The following FAM227B variants were observed in gnomAD, a reference collection of about 807,000 sequenced individuals.
FAM227B encodes family with sequence similarity 227 member B, also known as protein FAM227B.
Under a neutral mutation model 73.8 loss-of-function variants are expected in FAM227B, and 88 were observed. The ratio of observed to expected loss-of-function variants is 1.19; its 90% CI spans 1.00 to 1.42. FAM227B has a LOEUF of 1.42. Ranked by LOEUF, FAM227B falls within the 40% of genes most tolerant of loss-of-function variation. FAM227B has a pLI of 0.00. For synonymous variants in FAM227B, 210 were observed against 190.5 expected, an observed-to-expected ratio of 1.10 and a Z score of -0.84; for missense variants, 632 against 590.9, an observed-to-expected ratio of 1.07 and a Z score of -0.72.
chr15:49,333,669 T>C (rs994999358), intron 14 of FAM227B, among the ~76,000 whole-genome samples: 7 of 152,320 alleles, frequency 4.6e-5, no homozygotes, highest in African/African-American at 1.7e-4. Flanking sequence ...AAATAGTATT[T>C]AGAAGTGTGA....
intron 11 of FAM227B, among the ~76,000 whole-genome samples, chr15:49,436,073 C>A (rs1331924434): frequency 6.6e-6 from 1 of 151,354 alleles, no homozygotes; most frequent in East Asian, 1.9e-4. Context: ...AAAAAAAAGA[C>A]CCTCAGGAAA....
intron 11 of FAM227B, among the ~76,000 whole-genome samples, chr15:49,464,734 A>T (rs1284053819): frequency 6.6e-6 from 1 of 152,214 alleles, no homozygotes; most frequent in Non-Finnish European, 1.5e-5. Context: ...CACTATCAGG[A>T]AGAATGTAAG....
At position 49,373,141 on chromosome 15, in the gene FAM227B, AT is replaced by A. The variant is rs528709696; in HGVS notation, c.1013-1743del. ...TCTATGAACCAGTATCATTAAAAAA[AT>A]AAAAGAACCTCTCCATGTTCACTGT... On this transcript the variant is annotated intron_variant, in intron 11 of 15. Coordinates refer to ENST00000299338, the MANE Select transcript of FAM227B (RefSeq NM_152647.3). Among the ~76,000 whole-genome samples the A allele has an allele frequency of 2.5e-3, 374 of 152,206 alleles. 4 individuals carry two copies. The highest frequency in any genetic ancestry group is 8.4e-3 in the African/African-American group (351 of 41,548).
At chr15:49,429,259 C>T (rs527242511) in intron 11 of FAM227B, among the ~76,000 whole-genome samples, 1 of 152,042 alleles carries the variant, frequency 6.6e-6, no homozygotes, top group East Asian at 1.9e-4. Context: ...ACTGGTGACC[C>T]GCATTCCCTT....
At chr15:49,565,529 TACA>T (rs2074587307) in intron 9 of FAM227B, among the ~76,000 whole-genome samples, 1 of 152,126 alleles carries the variant, frequency 6.6e-6, no homozygotes, top group Admixed American at 6.5e-5. Context: ...GACAAATTGA[TACA>T]ACTATTTGCA....
chr15:49,364,786 T>C (rs1355130805), intron 13 of FAM227B, among the ~76,000 whole-genome samples: 1 of 152,154 alleles, frequency 6.6e-6, no homozygotes, highest in African/African-American at 2.4e-5. Flanking sequence ...TTGATAGTAA[T>C]ACTTTTATCT....
At chr15:49,612,074 G>A (rs1012916842) in intron 2 of FAM227B, among the ~76,000 whole-genome samples, 26 of 149,988 alleles carry the variant, frequency 1.7e-4, no homozygotes, top group African/African-American at 5.4e-4. Context: ...TTTTGTAGCC[G>A]GCCAATTCCT....
intron 5 of FAM227B, among the ~76,000 whole-genome samples, chr15:49,580,118 C>T (rs117270053): frequency 0.017 from 2,529 of 152,208 alleles, 31 homozygotes; most frequent in Middle Eastern, 0.037. Flanking sequence ...ATTGATAAAT[C>T]CAATAAAACT....
chr15:49,571,666 A>G (rs1055002057), intron 8 of FAM227B, among the ~76,000 whole-genome samples: 1 of 151,736 alleles, frequency 6.6e-6, no homozygotes. Flanking sequence ...AAACGCGTAG[A>G]TTCATTTGGG....
chr15:49,491,866 T>C (rs2057139508), intron 11 of FAM227B, among the ~76,000 whole-genome samples: 1 of 151,892 alleles, frequency 6.6e-6, no homozygotes, highest in African/African-American at 2.4e-5. Flanking sequence ...AAAGTAAAAG[T>C]AACTATTGCC....
At chr15:49,413,558 T>G (rs931184173) in intron 11 of FAM227B, among the ~76,000 whole-genome samples, 5 of 152,088 alleles carry the variant, frequency 3.3e-5, no homozygotes, top group African/African-American at 1.2e-4. Flanking sequence ...AGATATAATC[T>G]CTGACCTGTA....
chr15:49,605,679 A>C (rs2077473687), intron 3 of FAM227B, among the ~76,000 whole-genome samples: 1 of 151,646 alleles, frequency 6.6e-6, no homozygotes, highest in South Asian at 2.1e-4. Context: ...TCCTGAGTAC[A>C]CTGGAGTGGA....
At chr15:49,551,140 G>C (rs2072935736) in intron 9 of FAM227B, among the ~76,000 whole-genome samples, 1 of 152,212 alleles carries the variant, frequency 6.6e-6, no homozygotes, top group African/African-American at 2.4e-5. Context: ...AAACCAGTCA[G>C]GCGTGGCGTC....
At chr15:49,339,552 G>T (rs1185791815) in intron 13 of FAM227B, among the ~76,000 whole-genome samples, 1 of 152,190 alleles carries the variant, frequency 6.6e-6, no homozygotes, top group African/African-American at 2.4e-5. Context: ...TGTAGGAGGT[G>T]TCTGTTGGCC....
Position 49,367,555 on chromosome 15 carries a change from T to A in FAM227B, c.1164A>T (p.Gly388=). 1 of 1,604,950 alleles carries A rather than the reference T, an allele frequency of 6.2e-7. No individual in the cohort carries two copies. The highest frequency in any genetic ancestry group is 8.5e-7 in the Non-Finnish European group (1 of 1,177,958). ...PEFNRVLFNF[G]GQSPLILYYL... ...AATATAAAATCAATGGACTCTGACC[T>A]CCAAAATTGAAGAGAACACGATTAA... The change falls in exon 13 of 16, where the codon GGA becomes GGT. Residue 388 remains glycine, a synonymous_variant. Coordinates refer to ENST00000299338, the MANE Select transcript of FAM227B (RefSeq NM_152647.3).
intron 13 of FAM227B, chr15:49,365,898 G>T: frequency 1.0e-6 from 1 of 962,142 alleles, no homozygotes; most frequent in Non-Finnish European, 1.7e-6. Context: ...CAGCAAGAGA[G>T]TTGTACAGAC....
At chr15:49,418,960 A>G (rs908060257) in intron 11 of FAM227B, among the ~76,000 whole-genome samples, 2 of 152,128 alleles carry the variant, frequency 1.3e-5, no homozygotes, top group African/African-American at 4.8e-5. Flanking sequence ...TTCTGTTTCA[A>G]GATGGGATAG....
At chr15:49,383,910 C>G (rs1434155687) in intron 11 of FAM227B, among the ~76,000 whole-genome samples, 1 of 152,048 alleles carries the variant, frequency 6.6e-6, no homozygotes, top group East Asian at 1.9e-4. Flanking sequence ...GTCATTCTCC[C>G]CCCAAATACA....
At chr15:49,496,109 T>C (rs563369616) in intron 11 of FAM227B, among the ~76,000 whole-genome samples, 3 of 152,296 alleles carry the variant, frequency 2.0e-5, no homozygotes, top group Non-Finnish European at 2.9e-5. Context: ...CATCTGGCTA[T>C]TACTTTAAAT....
Sources: gnomAD v4.1 joint callset for allele counts (sites outside exome capture counted in the v4.1 genomes callset) on GRCh38, gnomAD v4.1.1 for gene constraint, MANE v1.5 for transcripts, NCBI Gene and HGNC (gene_info 2026-07-23, HGNC 2026-07-21) for gene names.